Variants in SMIM31 observed in about 807,000 individuals in gnomAD.
The protein encoded by SMIM31 is human epithelial cell program regulator.
chr4:164,778,594 T>G (rs1732907754), intron 2 of SMIM31, among the ~76,000 whole-genome samples: 1 of 152,170 alleles, frequency 6.6e-6, no homozygotes, highest in African/African-American at 2.4e-5. Flanking sequence ...ACTTAACATA[T>G]TTAAGCCTCC....
At chr4:164,796,339 T>C (rs1481323493) in intron 2 of SMIM31, among the ~76,000 whole-genome samples, 1 of 152,206 alleles carries the variant, frequency 6.6e-6, no homozygotes. Context: ...TGAGTAGATA[T>C]ACACCTCTTG....
At chr4:164,781,410 A>G (rs1324888849) in intron 2 of SMIM31, among the ~76,000 whole-genome samples, 1 of 152,240 alleles carries the variant, frequency 6.6e-6, no homozygotes, top group African/African-American at 2.4e-5. Flanking sequence ...TAGCAGGTAA[A>G]TGAATAAACA....
chr4:164,768,420 T>C (rs1732748987), intron 1 of SMIM31, among the ~76,000 whole-genome samples: 2 of 38,882 alleles, frequency 5.1e-5, no homozygotes, highest in South Asian at 1.4e-3. Flanking sequence ...CGAGCAACAG[T>C]ACATCTCAAA....
At chr4:164,765,030 A>G (rs56379219) in intron 1 of SMIM31, among the ~76,000 whole-genome samples, 5,461 of 152,310 alleles carry the variant, frequency 0.036, 137 homozygotes, top group Non-Finnish European at 0.06. Flanking sequence ...AAATTCAATC[A>G]TTGTATGGTG....
chr4:164,766,098 G>C (rs72694086), intron 1 of SMIM31, among the ~76,000 whole-genome samples: 57,910 of 152,066 alleles, frequency 0.38, 12,824 homozygotes, highest in Non-Finnish European at 0.49. Context: ...GAAAAATAAA[G>C]TAACAAAGGA....
At position 164,797,465 on chromosome 4, in the gene SMIM31, C is replaced by CTTTTTTT. The variant is rs70952643; in HGVS notation, c.113-3616_113-3610dup. ...AGAGAGTAAAGTGCAGATTTCTTTT[C>CTTTTTTT]TTTTTTTTTTTTTTTTGAGACAGAG... is the stretch of plus-strand genomic sequence containing the variant. On this transcript the variant is annotated intron_variant, in intron 2 of 2. Coordinates refer to ENST00000507311, the MANE Select transcript of SMIM31 (RefSeq NM_001352885.1). Among the ~76,000 whole-genome samples the CTTTTTTT allele has an allele frequency of 1.3e-4, 17 of 131,312 alleles. 1 individual carries two copies. The highest frequency in any genetic ancestry group is 4.2e-3 in the Middle Eastern group (1 of 238). 86.1% of individuals were successfully genotyped at this position (131,312 alleles called of 152,430 possible). A position where few individuals can be genotyped will look rare whatever the true frequency, so the allele number is the denominator to read the frequency against.
chr4:164,764,692 G>C (rs1458387085), intron 1 of SMIM31, among the ~76,000 whole-genome samples: 1 of 152,070 alleles, frequency 6.6e-6, no homozygotes, highest in Non-Finnish European at 1.5e-5. Flanking sequence ...GGATTTGGAA[G>C]TAAAGGAGAG....
intron 2 of SMIM31, among the ~76,000 whole-genome samples, chr4:164,796,492 G>A (rs1334138844): frequency 6.6e-6 from 1 of 151,984 alleles, no homozygotes; most frequent in African/African-American, 2.4e-5. Context: ...TTGTTACTTT[G>A]GCTTTAAACA....
chr4:164,785,408 C>T (rs1733014584), intron 2 of SMIM31, among the ~76,000 whole-genome samples: 1 of 152,048 alleles, frequency 6.6e-6, no homozygotes, highest in Non-Finnish European at 1.5e-5. Context: ...CAAAGTCCAT[C>T]ATCAAACATT....
chr4:164,782,377 AT>A (rs760284575), intron 2 of SMIM31, among the ~76,000 whole-genome samples: 1,103 of 98,640 alleles, frequency 0.011, 2 homozygotes, highest in Middle Eastern at 0.032. Flanking sequence ...TCTTTCTTTT[AT>A]TTTTTTTTTT....
At chr4:164,800,221 CTT>C (rs1012276113) in intron 2 of SMIM31, among the ~76,000 whole-genome samples, 4 of 146,542 alleles carry the variant, frequency 2.7e-5, no homozygotes, top group Non-Finnish European at 4.5e-5. Flanking sequence ...TTTTCTTTTT[CTT>C]TTTTTTTTTG....
chr4:164,767,374 A>G (rs1732733486), intron 1 of SMIM31, among the ~76,000 whole-genome samples: 1 of 152,236 alleles, frequency 6.6e-6, no homozygotes, highest in African/African-American at 2.4e-5. Context: ...GTGATAGAAT[A>G]TATGATAAAA....
intron 2 of SMIM31, among the ~76,000 whole-genome samples, chr4:164,774,117 G>T (rs2110937396): frequency 6.8e-6 from 1 of 147,484 alleles, no homozygotes; most frequent in African/African-American, 2.5e-5. Context: ...CGTGAGCTGA[G>T]ATTGTGCCAC....
At chr4:164,764,672 C>T (rs964570244) in intron 1 of SMIM31, among the ~76,000 whole-genome samples, 3 of 152,048 alleles carry the variant, frequency 2.0e-5, no homozygotes, top group Non-Finnish European at 2.9e-5. Context: ...TTGGTTACTC[C>T]ACTTTAGAGG....
chr4:164,755,852 G>A (rs1732554353), intron 1 of SMIM31, among the ~76,000 whole-genome samples: 1 of 152,062 alleles, frequency 6.6e-6, no homozygotes, highest in African/African-American at 2.4e-5. Context: ...ACGTTGTTAT[G>A]AAAATTGTTC....
intron 2 of SMIM31, 90 bp from the exon 3 acceptor site, chr4:164,801,001 G>T: frequency 2.5e-6 from 1 of 394,982 alleles, no homozygotes; most frequent in Non-Finnish European, 4.5e-6. Flanking sequence ...ACATTAGTGA[G>T]CACCCAAGTC....
chr4:164,764,968 A>C (rs1269174437), intron 1 of SMIM31, among the ~76,000 whole-genome samples: 1 of 152,246 alleles, frequency 6.6e-6, no homozygotes, highest in African/African-American at 2.4e-5. Flanking sequence ...TGAGTTCCTC[A>C]TCACTAGAGG....
At chr4:164,791,644 A>G (rs1464433349) in intron 2 of SMIM31, among the ~76,000 whole-genome samples, 1 of 152,210 alleles carries the variant, frequency 6.6e-6, no homozygotes, top group Non-Finnish European at 1.5e-5. Flanking sequence ...TACAGTAATC[A>G]TCTATAGCAA....
At chr4:164,777,944 C>CCTACAGGA (rs1282484486) in intron 2 of SMIM31, among the ~76,000 whole-genome samples, 1 of 152,174 alleles carries the variant, frequency 6.6e-6, no homozygotes, top group Non-Finnish European at 1.5e-5. Flanking sequence ...GGCCAAAGGC[C>CCTACAGGA]CTACAGCACT....
Sources: allele counts gnomAD v4.1 joint callset (sites outside exome capture counted in the v4.1 genomes callset), GRCh38; gene constraint gnomAD v4.1.1; transcripts MANE v1.5; gene names NCBI Gene and HGNC (gene_info 2026-07-23, HGNC 2026-07-21).